The following ITM2A variants were observed in gnomAD, a reference collection of about 807,000 sequenced individuals.
The protein encoded by ITM2A is integral membrane protein 2A, also known as BRICHOS domain containing 2A.
ITM2A carries 11 observed loss-of-function variants against 16.6 expected under a neutral mutation model. That is an observed-to-expected ratio of 0.66 (90% CI 0.42 to 1.10). The LOEUF (loss-of-function observed/expected upper bound fraction) is 1.10, where lower values mean the gene tolerates loss of function less well. Among genes scored for constraint, ITM2A ranks in the 50% least tolerant of loss-of-function variants. ITM2A has a pLI of 0.00. For synonymous variants in ITM2A, 102 were observed against 71.2 expected, an observed-to-expected ratio of 1.43 and a Z score of -2.18; for missense variants, 243 against 206.8, an observed-to-expected ratio of 1.17 and a Z score of -1.07.
intron 1 of ITM2A, among the ~76,000 whole-genome samples, chrX:79,364,161 G>C (rs892978772): frequency 6.3e-5 from 7 of 111,507 alleles, no homozygotes; most frequent in African/African-American, 2.3e-4. Flanking sequence ...AGGTTTTAAA[G>C]GTAGGAGTTC....
chrX:79,361,798 A>C (rs976563408), intron 4 of ITM2A, among the ~76,000 whole-genome samples: 1 of 109,643 alleles, frequency 9.1e-6, no homozygotes, highest in Non-Finnish European at 1.9e-5. Flanking sequence ...TTAGTTTGTA[A>C]GGATAATGGC....
intron 1 of ITM2A, among the ~76,000 whole-genome samples, chrX:79,366,132 G>T (rs1010712583): frequency 1.8e-5 from 2 of 111,299 alleles, no homozygotes; most frequent in African/African-American, 3.3e-5. Flanking sequence ...ATTATACTGA[G>T]GAGTAGTATA....
rs908097526 is a variant in ITM2A at position 79,360,426 on chromosome X, A to G, written c.*663T>C. The stretch of plus-strand genomic sequence containing the variant: ...TATTATAGGGTTGTAGAATTCATAC[A>G]ACCTAAACTCCTTACAGCATTCAGC... On this transcript the variant is annotated 3_prime_UTR_variant, in exon 6 of 6. Coordinates refer to ENST00000373298, the MANE Select transcript of ITM2A (RefSeq NM_004867.5). 8.9e-6 allele frequency: 1 copy of G among 111,747 alleles called. No individual in the cohort carries two copies. The highest frequency in any genetic ancestry group is 3.2e-5 in the African/African-American group (1 of 30,822). The allele number at this position is 111,747 out of a possible 1,213,427, so 9.2% of individuals were successfully genotyped here.
intron 4 of ITM2A, 36 bp from the exon 5 acceptor site, chrX:79,361,515 C>A (rs777518762): frequency 2.0e-5 from 23 of 1,137,861 alleles, no homozygotes; most frequent in African/African-American, 7.2e-5. Context: ...ATGAGAAATT[C>A]TTTTTCCTTT....
Position 79,363,574 on chromosome X carries a change from A to G in ITM2A, c.112-20T>C, listed in dbSNP as rs1925496040. 1 of 1,149,265 alleles carries G rather than the reference A, an allele frequency of 8.7e-7. No individual in the cohort carries two copies. The highest frequency in any genetic ancestry group is 1.2e-6 in the Non-Finnish European group (1 of 860,749). 94.7% of individuals were successfully genotyped at this position (1,149,265 alleles called of 1,213,427 possible). A position where few individuals can be genotyped will look rare whatever the true frequency, so the allele number is the denominator to read the frequency against. On this transcript the variant is annotated intron_variant, in intron 1 of 5. Transcript: ENST00000373298. ...GAGCTCCTATTTATTAAAAAGCAAA[A>G]CCAAAAACAAAACCAGATTGTACTT...
In ITM2A at chrX:79,367,258, C is replaced by G. The variant is rs200447303; in HGVS notation, c.-43G>C. The G allele has an allele frequency of 2.2e-5, 21 of 943,458 alleles. No individual in the cohort carries two copies. The East Asian group carries it at 5.7e-4, about 26-fold the overall frequency. The allele number at this position is 943,458 out of a possible 1,213,427, so 77.8% of individuals were successfully genotyped here. ...CGCGGTAAGGCGCTGCTGGAATCAG[C>G]GTCCTGGGCTGCAGACTGCAAGAGG... On this transcript the variant is annotated 5_prime_UTR_variant, in exon 1 of 6. Transcript: ENST00000373298.
chrX:79,363,285 T>A, intron 2 of ITM2A, 138 bp downstream of exon 2: 13 of 748,265 alleles, frequency 1.7e-5, no homozygotes, highest in Non-Finnish European at 2.5e-5. Flanking sequence ...ACAAATCAAT[T>A]TTATGAACTG....
intron 3 of ITM2A, 106 bp downstream of exon 3, chrX:79,362,836 C>G: frequency 1.4e-6 from 1 of 720,651 alleles, no homozygotes; most frequent in Non-Finnish European, 2.1e-6. Context: ...GGCTTTGCCT[C>G]AAAAACATGT....
intron 2 of ITM2A, 104 bp from the exon 3 acceptor site, chrX:79,363,243 G>T: frequency 1.3e-6 from 1 of 780,589 alleles, no homozygotes; most frequent in Non-Finnish European, 1.8e-6. Flanking sequence ...GTGTTAAGCC[G>T]AGGCTTGTTG....
Position 79,363,003 on chromosome X carries a change from T to C in ITM2A, c.380A>G (p.Asp127Gly), listed in dbSNP as rs1489403520. ...IREDDNIAII[D>G]VPVPSFSDSD... ...ATCAGAGAAACTGGGGACAGGCACA[T>C]CAATGATTGCAATGTTGTCATCCTC... The change falls in exon 3 of 6, where the codon GAT (aspartate) becomes GGT (glycine). Residue 127 changes from aspartate (D) to glycine (G), a missense_variant. Physicochemically the swap from Asp to Gly is moderately conservative, Grantham distance 94. Transcript: ENST00000373298. The C allele has an allele frequency of 8.3e-7, 1 of 1,207,345 alleles. No individual in the cohort carries two copies. The highest frequency in any genetic ancestry group is 3.0e-5 in the East Asian group (1 of 33,804).
Position 79,361,373 on chromosome X carries a change from T to C in ITM2A, c.659A>G (p.Asn220Ser). ...ACGAAGGCGGAAGGACTTTCTGTTA[T>C]TGCAAAGTTGGTAAATAAAGATGCC... ...NLGIFIYQLC[N>S]NRKSFRLRRR... The change falls in exon 5 of 6, where the codon AAT becomes AGT. Residue 220 changes from asparagine to serine, a missense_variant. By Grantham distance (46) the Asn-to-Ser change is conservative (BLOSUM62 1). Transcript: ENST00000373298. The C allele has an allele frequency of 8.3e-7, 1 of 1,209,708 alleles. No homozygotes were observed. The highest frequency in any genetic ancestry group is 1.1e-6 in the Non-Finnish European group (1 of 893,649).
Position 79,361,381 on chromosome X carries a change from T to C in ITM2A, c.651A>G (p.Gln217=). 8.3e-7 allele frequency: 1 copy of C among 1,209,446 alleles called. No individual in the cohort carries two copies. The change falls in exon 5 of 6, where the codon CAA becomes CAG. Residue 217 remains glutamine, a synonymous_variant. Transcript: ENST00000373298. ...GGAAGGACTTTCTGTTATTGCAAAG[T>C]TGGTAAATAAAGATGCCAAGGTTAC... ...DVSNLGIFIY[Q]LCNNRKSFRL...
Position 79,361,538 on chromosome X carries a change from T to C in ITM2A, c.553-59A>G, listed in dbSNP as rs942596795. On this transcript the variant is annotated intron_variant, in intron 4 of 5. Coordinates refer to ENST00000373298, the MANE Select transcript of ITM2A (RefSeq NM_004867.5). ...TTCTTTTTCCTTTTTAACTTTGAAGTTCAGGAGTAAAAGTGCAAGTTTGTT... is the reference window on the plus strand; with the variant it reads ...TTCTTTTTCCTTTTTAACTTTGAAGCTCAGGAGTAAAAGTGCAAGTTTGTT... The C allele has an allele frequency of 1.2e-5, 13 of 1,040,356 alleles. No homozygotes were observed. The African/African-American group carries it at 2.4e-4, about 20-fold the overall frequency. 85.7% of individuals were successfully genotyped at this position (1,040,356 alleles called of 1,213,427 possible).
intron 1 of ITM2A, 21 bp from the exon 2 acceptor site, chrX:79,363,575 C>T: frequency 8.7e-7 from 1 of 1,148,895 alleles, no homozygotes; most frequent in Non-Finnish European, 1.2e-6. Flanking sequence ...AAAAGCAAAA[C>T]CAAAAACAAA....
In ITM2A at chrX:79,361,210, GA is replaced by G. The variant is rs1292830004; in HGVS notation, c.704-34del. On this transcript the variant is annotated intron_variant, in intron 5 of 5. Transcript: ENST00000373298. Reference sequence around the variant, plus strand: ...GAAATGTGCAAAAAAAGTGGCTTTTGAAATTTTTGTGGAAATGAAAATATAT... The same window carrying G: ...GAAATGTGCAAAAAAAGTGGCTTTTGAATTTTTGTGGAAATGAAAATATAT... 3 of 1,147,186 alleles carry G rather than the reference GA, an allele frequency of 2.6e-6. No homozygotes were observed. The African/African-American group carries it at 5.4e-5, about 21-fold the overall frequency. The allele number at this position is 1,147,186 out of a possible 1,213,427, so 94.5% of individuals were successfully genotyped here. A position where few individuals can be genotyped will look rare whatever the true frequency, so the allele number is the denominator to read the frequency against.
At position 79,363,538 on chromosome X, in the gene ITM2A, G is replaced by A; in HGVS notation, c.128C>T (p.Thr43Ile). 8.5e-7 allele frequency: 1 copy of A among 1,179,722 alleles called. No homozygotes were observed. The highest frequency in any genetic ancestry group is 1.1e-6 in the Non-Finnish European group (1 of 879,543). ...ILTGKELRVA[T>I]QEKEGSSGRC... ...CCCAGAGGAGCCCTCTTTTTCCTGG[G>A]TGGCAACTCGGAGCTCCTATTTATT... Residue 43 changes from threonine (T) to isoleucine (I), a missense_variant, in exon 2 of 6, where the codon ACC becomes ATC. Physicochemically the swap from Thr to Ile is moderately conservative, Grantham distance 89. Coordinates refer to ENST00000373298, the MANE Select transcript of ITM2A (RefSeq NM_004867.5).
intron 4 of ITM2A, 77 bp downstream of exon 4, chrX:79,362,504 C>G: frequency 1.9e-6 from 1 of 529,371 alleles, no homozygotes; most frequent in Non-Finnish European, 3.1e-6. Context: ...TGGACAAATT[C>G]ATTATTTTTT....
intron 1 of ITM2A, 34 bp from the exon 2 acceptor site, chrX:79,363,588 C>A: frequency 9.0e-7 from 1 of 1,109,700 alleles, no homozygotes; most frequent in Non-Finnish European, 1.2e-6. Context: ...AAAACAAAAC[C>A]AGATTGTACT....
intron 4 of ITM2A, among the ~76,000 whole-genome samples, chrX:79,362,257 T>C (rs762108839): frequency 1.3e-3 from 149 of 111,566 alleles, no homozygotes; most frequent in South Asian, 4.1e-3. Context: ...ATTGTGATTT[T>C]GATTTGCATT....
Sources: gnomAD v4.1 joint callset for allele counts (sites outside exome capture counted in the v4.1 genomes callset) on GRCh38, gnomAD v4.1.1 for gene constraint, MANE v1.5 for transcripts, NCBI Gene and HGNC (gene_info 2026-07-23, HGNC 2026-07-21) for gene names.